The following HOMER2 variants were observed in gnomAD, a reference collection of about 807,000 sequenced individuals.
HOMER2 encodes the protein homer scaffold protein 2.
A neutral mutation model predicts 47.0 loss-of-function variants in HOMER2; 27 were observed. That is an observed-to-expected ratio of 0.57 (90% confidence interval 0.42 to 0.79). The LOEUF is 0.79. Among genes scored for constraint, HOMER2 ranks in the 30% least tolerant of loss-of-function variants. The pLI is 0.00. For missense variants in HOMER2, 443 were observed against 435.0 expected, an observed-to-expected ratio of 1.02 and a Z score of -0.16; for synonymous variants, 161 against 163.8, an observed-to-expected ratio of 0.98 and a Z score of 0.13.
At chr15:82,925,342 GC>G (rs987099142) in intron 1 of HOMER2, among the ~76,000 whole-genome samples, 3 of 152,170 alleles carry the variant, frequency 2.0e-5, no homozygotes, top group African/African-American at 7.2e-5. Flanking sequence ...TCAACAGCCA[GC>G]CCCCTGGGTG....
chr15:82,860,468 A>G (rs1323292997), intron 4 of HOMER2, among the ~76,000 whole-genome samples: 2 of 152,200 alleles, frequency 1.3e-5, no homozygotes, highest in Non-Finnish European at 2.9e-5. Context: ...CCATTATACA[A>G]TTATGCCTAG....
chr15:82,944,425 A>G (rs977632422), intron 1 of HOMER2, among the ~76,000 whole-genome samples: 8 of 152,206 alleles, frequency 5.3e-5, no homozygotes, highest in African/African-American at 1.9e-4. Flanking sequence ...TTATGCCCCA[A>G]TTCCTCACAA....
chr15:82,859,137 T>C lies in HOMER2; in HGVS notation c.388-2A>G. 1 of 1,613,984 alleles carries C rather than the reference T, an allele frequency of 6.2e-7. No individual in the cohort carries two copies. The highest frequency in any genetic ancestry group is 8.5e-7 in the Non-Finnish European group (1 of 1,179,884). On this transcript the variant is annotated splice_acceptor_variant, in intron 4 of 8. Transcript: ENST00000450735. LOFTEE classifies it high-confidence loss of function. The stretch of plus-strand genomic sequence containing the variant: ...GTCCGTCCCGTTGACACTGGATGCC[T>C]GAGTAGAAGATGGGGTTTCACGCCC...
chr15:82,912,147 T>A (rs539718155), intron 1 of HOMER2, among the ~76,000 whole-genome samples: 3 of 152,348 alleles, frequency 2.0e-5, no homozygotes, highest in Admixed American at 2.0e-4. Flanking sequence ...CCCAATTCAG[T>A]GGCTTTTTAT....
intron 1 of HOMER2, among the ~76,000 whole-genome samples, chr15:82,984,675 A>T (rs2030527667): frequency 1.3e-5 from 2 of 152,070 alleles, no homozygotes; most frequent in Non-Finnish European, 2.9e-5. Flanking sequence ...AAAAATTAGC[A>T]GGGTGGTGGT....
chr15:82,883,100 T>G (rs2052581583), intron 2 of HOMER2, among the ~76,000 whole-genome samples: 1 of 25,066 alleles, frequency 4.0e-5, no homozygotes, highest in African/African-American at 2.3e-4. Flanking sequence ...TGTGTCCATG[T>G]GATCTCATTG....
At chr15:82,857,759 G>A (rs1012092919) in intron 5 of HOMER2, among the ~76,000 whole-genome samples, 1 of 152,020 alleles carries the variant, frequency 6.6e-6, no homozygotes, top group Non-Finnish European at 1.5e-5. Context: ...GCAACTCTGA[G>A]GAGGGGGGCT....
chr15:82,873,156 C>T (rs757447477), intron 3 of HOMER2, among the ~76,000 whole-genome samples: 7 of 152,280 alleles, frequency 4.6e-5, no homozygotes, highest in African/African-American at 7.2e-5. Flanking sequence ...CCCTGACTCC[C>T]GGCCCTGCTG....
chr15:82,965,074 C>G (rs2054661542), intron 1 of HOMER2, among the ~76,000 whole-genome samples: 1 of 152,132 alleles, frequency 6.6e-6, no homozygotes, highest in Non-Finnish European at 1.5e-5. Flanking sequence ...GGCTGGAGTG[C>G]AGTGGTGCCA....
At chr15:82,892,513 A>C (rs2052744194) in intron 2 of HOMER2, among the ~76,000 whole-genome samples, 172 bp downstream of exon 2, 1 of 152,244 alleles carries the variant, frequency 6.6e-6, no homozygotes, top group Non-Finnish European at 1.5e-5. Context: ...GACAGTGGTA[A>C]CAGAGAAATA....
chr15:82,861,803 TTGAGATCAGCCTGAGCCAACA>T (rs2051800045), intron 4 of HOMER2, among the ~76,000 whole-genome samples: 1 of 152,070 alleles, frequency 6.6e-6, no homozygotes, highest in South Asian at 2.1e-4. Context: ...TATCAGAAGC[TTGAGATCAGCCTGAGCCAACA>T]TGGTGAAACC....
rs370724343 is a variant in HOMER2 at position 82,931,637 on chromosome 15, G to A, written c.5+20894C>T. 1.5e-4 allele frequency among the ~76,000 whole-genome samples: 22 copies of A among 151,620 alleles called. No homozygotes were observed. In the East Asian group the frequency reaches 4.1e-3, roughly 28 times the overall value. ...GCAGATCACGAGGTCAGGAGATCGA[G>A]ACCATCCTGGCTAACACGGTGAAAC... On this transcript the variant is annotated intron_variant, in intron 1 of 8. Coordinates refer to ENST00000450735, the MANE Select transcript of HOMER2 (RefSeq NM_004839.4).
At position 82,892,681 on chromosome 15, in the gene HOMER2, G is replaced by A. The variant is rs776815374; in HGVS notation, c.162+4C>T. On this transcript the variant is annotated splice_donor_region_variant and intron_variant, in intron 2 of 8. Coordinates refer to ENST00000450735, the MANE Select transcript of HOMER2 (RefSeq NM_004839.4). ...AGTATTAAAATCAGCTGAGGGGGTG[G>A]TACCTTGGCTCCGTCCACACTGATG... 7 of 1,528,030 alleles carry A rather than the reference G, an allele frequency of 4.6e-6. No individual in the cohort carries two copies. The highest frequency in any genetic ancestry group is 1.7e-4 in the Middle Eastern group (1 of 5,726). 94.7% of individuals were successfully genotyped at this position (1,528,030 alleles called of 1,614,324 possible). A position where few individuals can be genotyped will look rare whatever the true frequency, so the allele number is the denominator to read the frequency against.
chr15:82,864,243 T>G lies in HOMER2; in HGVS notation c.311A>C (p.Gln104Pro). The change falls in exon 4 of 9, where the codon CAG (glutamine) becomes CCG (proline). Residue 104 changes from glutamine to proline, a missense_variant. Physicochemically the swap from Gln to Pro is moderately conservative, Grantham distance 76. Transcript: ENST00000450735. ...QQLTKFAEKFQEVKEAAKIAK... is the reference protein window; with the variant it reads ...QQLTKFAEKFPEVKEAAKIAK... ...TATCTTGGCAGCTTCTTTCACCTCC[T>G]GGAATTTCTCTGCAAACTGAACATG... The G allele has an allele frequency of 6.2e-7, 1 of 1,611,816 alleles. No homozygotes were observed. Among genetic ancestry groups the G allele is most frequent in the Non-Finnish European group, 8.5e-7 (1 of 1,178,746 alleles).
intron 2 of HOMER2, among the ~76,000 whole-genome samples, chr15:82,892,432 C>CTT: frequency 6.6e-6 from 1 of 152,186 alleles, no homozygotes; most frequent in East Asian, 1.9e-4. Context: ...TATCCAACCA[C>CTT]GGGGGGAAAT....
intron 1 of HOMER2, among the ~76,000 whole-genome samples, chr15:82,897,829 G>A (rs2052984291): frequency 6.6e-6 from 1 of 152,192 alleles, no homozygotes; most frequent in African/African-American, 2.4e-5. Flanking sequence ...TTCCATATGT[G>A]AGCCTTCAGA....
intron 1 of HOMER2, among the ~76,000 whole-genome samples, chr15:82,915,644 C>G (rs1446560702): frequency 1.3e-5 from 2 of 152,162 alleles, no homozygotes; most frequent in Non-Finnish European, 2.9e-5. Context: ...CCTGGGAGTT[C>G]AAGGCTGCAG....
intron 1 of HOMER2, among the ~76,000 whole-genome samples, chr15:82,965,832 G>T (rs115691967): frequency 0.02 from 2,964 of 151,888 alleles, 48 homozygotes; most frequent in Non-Finnish European, 0.03. Flanking sequence ...TGGTAGCTCA[G>T]GCCTGTAATT....
chr15:82,960,160 G>A (rs1191180874), intron 1 of HOMER2, among the ~76,000 whole-genome samples: 1 of 152,164 alleles, frequency 6.6e-6, no homozygotes, highest in Admixed American at 6.6e-5. Flanking sequence ...TATAGCTGAG[G>A]CTTCCAACCG....
Sources: gnomAD v4.1 joint callset for allele counts (sites outside exome capture counted in the v4.1 genomes callset) on GRCh38, gnomAD v4.1.1 for gene constraint, MANE v1.5 for transcripts, NCBI Gene and HGNC (gene_info 2026-07-23, HGNC 2026-07-21) for gene names.